The following EVI5 variants were observed in gnomAD, a reference collection of about 807,000 sequenced individuals.
EVI5 encodes the protein ecotropic viral integration site 5, also known as ecotropic viral integration site 5 protein homolog.
In EVI5, 73 loss-of-function variants were observed where a neutral mutation model predicts 112.0. The observed-to-expected ratio is 0.65, with a 90% CI of 0.54 to 0.79. The LOEUF is 0.79. Ranked by LOEUF, EVI5 falls within the 30% of genes least tolerant of loss-of-function variation. The pLI, the probability that EVI5 is intolerant of heterozygous loss-of-function variation, is 0.00. For synonymous variants in EVI5, 305 were observed against 319.9 expected (o/e 0.95, Z 0.50); for missense variants, 900 against 968.8 (o/e 0.93, Z 0.94).
intron 18 of EVI5, among the ~76,000 whole-genome samples, chr1:92,593,836 T>G (rs1287668098): frequency 6.6e-6 from 1 of 152,058 alleles, no homozygotes; most frequent in African/African-American, 2.4e-5. Flanking sequence ...TCAAAGAGAA[T>G]AAAATACCTA....
intron 19 of EVI5, among the ~76,000 whole-genome samples, chr1:92,523,461 A>G (rs1191672767): frequency 6.6e-6 from 1 of 152,100 alleles, no homozygotes; most frequent in Non-Finnish European, 1.5e-5. Flanking sequence ...AATATATTAC[A>G]TAATCAAATT....
At chr1:92,614,711 T>A (rs958422566) in intron 16 of EVI5, among the ~76,000 whole-genome samples, 2 of 151,722 alleles carry the variant, frequency 1.3e-5, no homozygotes, top group African/African-American at 4.8e-5. Context: ...TTGCTCCTCA[T>A]CTTGCAGACG....
At chr1:92,665,431 G>A (rs917865799) in intron 11 of EVI5, among the ~76,000 whole-genome samples, 1 of 152,092 alleles carries the variant, frequency 6.6e-6, no homozygotes, top group Non-Finnish European at 1.5e-5. Context: ...GTAACAAGTA[G>A]ATACTAAAAT....
chr1:92,648,794 G>A (rs1661514068), intron 13 of EVI5, among the ~76,000 whole-genome samples: 1 of 152,112 alleles, frequency 6.6e-6, no homozygotes, highest in Non-Finnish European at 1.5e-5. Context: ...GGATTTTTGG[G>A]TTGTGTCCAC....
At chr1:92,534,018 T>C (rs574336966) in intron 19 of EVI5, among the ~76,000 whole-genome samples, 2 of 152,328 alleles carry the variant, frequency 1.3e-5, no homozygotes, top group East Asian at 3.9e-4. Flanking sequence ...CATGATTGTA[T>C]ACTTAGAAAA....
At chr1:92,773,161 G>C (rs562374132) in intron 1 of EVI5, among the ~76,000 whole-genome samples, 3 of 146,332 alleles carry the variant, frequency 2.1e-5, no homozygotes, top group Non-Finnish European at 4.5e-5. Flanking sequence ...AGCCGAGATC[G>C]TGCCATTGCA....
At chr1:92,565,991 G>GGTA (rs1437342184) in intron 18 of EVI5, among the ~76,000 whole-genome samples, 4 of 132,622 alleles carry the variant, frequency 3.0e-5, no homozygotes, top group African/African-American at 1.3e-4. Flanking sequence ...CGACAGAGTG[G>GGTA]GTAGCACTCC....
chr1:92,520,969 T>C (rs914618635), intron 19 of EVI5, among the ~76,000 whole-genome samples: 4 of 151,726 alleles, frequency 2.6e-5, no homozygotes, highest in African/African-American at 9.7e-5. Flanking sequence ...TTCTTCTTTT[T>C]TTTTTTTTTT....
chr1:92,618,183 C>T (rs1158003516), intron 16 of EVI5, among the ~76,000 whole-genome samples: 1 of 152,194 alleles, frequency 6.6e-6, no homozygotes, highest in Non-Finnish European at 1.5e-5. Context: ...CCACGATTCA[C>T]GGGTCCAGGA....
At chr1:92,671,897 G>A (rs1305489291) in intron 10 of EVI5, among the ~76,000 whole-genome samples, 1 of 149,956 alleles carries the variant, frequency 6.7e-6, no homozygotes, top group East Asian at 2.0e-4. Flanking sequence ...CAAATTCCCT[G>A]GTTCTAGTGA....
At chr1:92,594,236 G>T (rs1304185033) in intron 18 of EVI5, among the ~76,000 whole-genome samples, 1 of 152,058 alleles carries the variant, frequency 6.6e-6, no homozygotes, top group Non-Finnish European at 1.5e-5. Flanking sequence ...TAATGGAACA[G>T]AACAGAGCCC....
chr1:92,659,337 T>C (rs908427258), intron 13 of EVI5, among the ~76,000 whole-genome samples: 1 of 151,944 alleles, frequency 6.6e-6, no homozygotes, highest in Non-Finnish European at 1.5e-5. Flanking sequence ...GGAGAAAATA[T>C]TTGCAAACTA....
At chr1:92,732,511 T>A (rs1676636543) in intron 2 of EVI5, 2 of 195,754 alleles carry the variant, frequency 1.0e-5, no homozygotes, top group African/African-American at 4.8e-5. Flanking sequence ...TTTTCTTACC[T>A]AAGGGGAGCA....
chr1:92,732,898 C>CA (rs3042602), intron 2 of EVI5, among the ~76,000 whole-genome samples: 2,307 of 89,032 alleles, frequency 0.026, 143 homozygotes, highest in African/African-American at 0.079. Flanking sequence ...GACTCCATCT[C>CA]AAAAAAAAAA....
chr1:92,724,088 A>C (rs1294720361), intron 2 of EVI5, among the ~76,000 whole-genome samples: 1 of 152,056 alleles, frequency 6.6e-6, no homozygotes, highest in African/African-American at 2.4e-5. Flanking sequence ...CAGTAATTCT[A>C]ATTTTGCCTT....
rs1248576635 is a variant in EVI5 at position 92,735,669 on chromosome 1, A to G, written c.149+729T>C. Among the ~76,000 whole-genome samples, 5 of 17,992 alleles carry G rather than the reference A, an allele frequency of 2.8e-4. No individual in the cohort carries two copies. The Admixed American group carries it at 4.3e-3, about 15-fold the overall frequency. 11.8% of individuals were successfully genotyped at this position (17,992 alleles called of 152,430 possible). ...ATATATATAATTATATAATTCAACA[A>G]AATATATTATATATAACATATATAT... On this transcript the variant is annotated intron_variant, in intron 2 of 19. Transcript: ENST00000684568.
In EVI5 at chr1:92,695,408, G is replaced by A. The variant is rs750139504; in HGVS notation, c.811C>T (p.His271Tyr). 2 of 1,608,024 alleles carry A rather than the reference G, an allele frequency of 1.2e-6. No individual in the cohort carries two copies. Among genetic ancestry groups the A allele is most frequent in the Non-Finnish European group, 1.7e-6 (2 of 1,175,000 alleles). Residue 271 changes from histidine to tyrosine, a missense_variant, in exon 7 of 20, where the codon CAT (histidine) becomes TAT (tyrosine). His to Tyr is a moderately conservative substitution (Grantham distance 83). Coordinates refer to ENST00000684568, the MANE Select transcript of EVI5 (RefSeq NM_001350197.2). ...LFVHFQSQSF[H>Y]TSMYASSWFL... ...CAGGATGATGCATACATTGAGGTAT[G>A]AAAACTCTGAGATTGAAAATGTACA...
At chr1:92,612,451 G>A (rs1652056802) in intron 16 of EVI5, among the ~76,000 whole-genome samples, 1 of 152,116 alleles carries the variant, frequency 6.6e-6, no homozygotes, top group South Asian at 2.1e-4. Context: ...GCTCATGCCT[G>A]TAATCCCAGT....
In EVI5 at chr1:92,667,997, T is replaced by C. The variant is rs552147472; in HGVS notation, c.1159-2005A>G. Among the ~76,000 whole-genome samples the C allele has an allele frequency of 1.7e-4, 26 of 152,298 alleles. No homozygotes were observed. The South Asian group carries it at 5.2e-3, about 30-fold the overall frequency. Reference sequence around the variant, plus strand: ...TCTTCCAGCCCCACCTTCCTATAAATTTCTGCTAAAAAATGTCTGTCTCAG... The same window carrying C: ...TCTTCCAGCCCCACCTTCCTATAAACTTCTGCTAAAAAATGTCTGTCTCAG... On this transcript the variant is annotated intron_variant, in intron 10 of 19. Coordinates refer to ENST00000684568, the MANE Select transcript of EVI5 (RefSeq NM_001350197.2).
Sources: gnomAD v4.1 joint callset for allele counts (sites outside exome capture counted in the v4.1 genomes callset) on GRCh38, gnomAD v4.1.1 for gene constraint, MANE v1.5 for transcripts, NCBI Gene and HGNC (gene_info 2026-07-23, HGNC 2026-07-21) for gene names.